The following SYNE3 variants were observed in gnomAD, a reference collection of about 807,000 sequenced individuals.
The protein encoded by SYNE3 is spectrin repeat containing nuclear envelope family member 3.
Under a neutral mutation model 111.2 loss-of-function variants are expected in SYNE3, and 100 were observed. The ratio of observed to expected loss-of-function variants is 0.90; its 90% CI spans 0.77 to 1.06. SYNE3 has a LOEUF of 1.06. Ranked by LOEUF, SYNE3 falls within the 50% of genes least tolerant of loss-of-function variation. The pLI is 0.00. For synonymous variants in SYNE3, 547 were observed against 533.9 expected, an observed-to-expected ratio of 1.02 and a Z score of -0.34; for missense variants, 1,160 against 1,240.3, an observed-to-expected ratio of 0.94 and a Z score of 0.97.
At chr14:95,471,371 T>G (rs1888518335) in intron 2 of SYNE3, among the ~76,000 whole-genome samples, 1 of 152,242 alleles carries the variant, frequency 6.6e-6, no homozygotes, top group African/African-American at 2.4e-5. Context: ...TTCGTCCTTC[T>G]TATCCTCATG....
At chr14:95,447,329 G>C (rs1393417626) in intron 8 of SYNE3, among the ~76,000 whole-genome samples, 1 of 151,974 alleles carries the variant, frequency 6.6e-6, no homozygotes, top group Non-Finnish European at 1.5e-5. Context: ...GTAGAGACGG[G>C]GTTTCACTGT....
intron 5 of SYNE3, 119 bp from the exon 6 acceptor site, chr14:95,455,843 G>C (rs1467094456): frequency 2.0e-6 from 2 of 1,022,632 alleles, no homozygotes; most frequent in Non-Finnish European, 2.8e-6. Flanking sequence ...TCCTGCGTTA[G>C]AGCCAGAGAG....
chr14:95,483,331 C>T (rs888782558), intron 1 of SYNE3, among the ~76,000 whole-genome samples: 10 of 152,204 alleles, frequency 6.6e-5, no homozygotes, highest in African/African-American at 2.2e-4. Flanking sequence ...CACAAGCTGA[C>T]CCAGAGTTCT....
intron 7 of SYNE3, 150 bp downstream of exon 7, chr14:95,452,097 T>A (rs547667516): frequency 2.1e-6 from 2 of 969,422 alleles, no homozygotes; most frequent in African/African-American, 3.2e-5. Context: ...CTGAGCCAAG[T>A]GAGAACCTCT....
intron 8 of SYNE3, chr14:95,449,598 G>A: frequency 1.0e-6 from 1 of 985,464 alleles, no homozygotes; most frequent in Non-Finnish European, 1.2e-6. Context: ...GGTCAGGTCA[G>A]GTTTCTTGCC....
chr14:95,483,314 C>T (rs554587975), intron 1 of SYNE3, among the ~76,000 whole-genome samples: 7 of 152,314 alleles, frequency 4.6e-5, no homozygotes, highest in Middle Eastern at 3.4e-3. Context: ...TGGCCGGGGC[C>T]GCCCACCACA....
intron 6 of SYNE3, among the ~76,000 whole-genome samples, chr14:95,452,724 T>A (rs1362258416): frequency 6.6e-6 from 1 of 152,166 alleles, no homozygotes; most frequent in African/African-American, 2.4e-5. Flanking sequence ...GGGTGTCCCA[T>A]TCGTTTAAGC....
intron 7 of SYNE3, chr14:95,451,649 C>T (rs1304348752): frequency 2.0e-5 from 3 of 152,216 alleles, no homozygotes; most frequent in Non-Finnish European, 4.4e-5. Flanking sequence ...GAAGGAGCTC[C>T]CTGTACCAGG....
At chr14:95,421,657 G>A (rs1885132630) in intron 17 of SYNE3, among the ~76,000 whole-genome samples, 1 of 152,224 alleles carries the variant, frequency 6.6e-6, no homozygotes, top group Admixed American at 6.5e-5. Flanking sequence ...TCCTCTGGCT[G>A]ATGGGTGTGG....
At chr14:95,483,766 G>T (rs750255574) in intron 1 of SYNE3, among the ~76,000 whole-genome samples, 3 of 152,198 alleles carry the variant, frequency 2.0e-5, no homozygotes, top group Non-Finnish European at 2.9e-5. Flanking sequence ...GCAGACAGAG[G>T]CTTGGCAGGT....
chr14:95,428,472 AAT>A (rs1367841483), intron 17 of SYNE3, among the ~76,000 whole-genome samples: 11 of 152,186 alleles, frequency 7.2e-5, no homozygotes, highest in Admixed American at 3.3e-4. Flanking sequence ...AAATAAATAA[AAT>A]GCTACTGTCA....
rs1595236094 is a variant in SYNE3 at position 95,474,329 on chromosome 14, G to A, written c.144+1349C>T. 2.6e-5 allele frequency among the ~76,000 whole-genome samples: 4 copies of A among 152,212 alleles called. 1 individual carries two copies. In the South Asian group the frequency reaches 8.3e-4, roughly 32 times the overall value. On this transcript the variant is annotated intron_variant, in intron 2 of 17. Transcript: ENST00000682763. Reference sequence around the variant, plus strand: ...ACATCATGGGACCCACGTTAGGGGTGTGCCTCATACATGCTTGTGCAGTTG... The same window carrying A: ...ACATCATGGGACCCACGTTAGGGGTATGCCTCATACATGCTTGTGCAGTTG...
In SYNE3 at chr14:95,439,707, C is replaced by A; in HGVS notation, c.2151G>T (p.Lys717Asn). ...VEAQGWLVME[K>N]SSPEGAAVVQ... ...CCACGGCAGCACCCTCCGGAGAAGACTTCTCCATCACCAGCCAGCCCTGCG... is the reference window on the plus strand; with the variant it reads ...CCACGGCAGCACCCTCCGGAGAAGAATTCTCCATCACCAGCCAGCCCTGCG... The change falls in exon 13 of 18, where the codon AAG (lysine) becomes AAT (asparagine). Residue 717 changes from lysine to asparagine, a missense_variant. By Grantham distance (94) the Lys-to-Asn change is moderately conservative. Transcript: ENST00000682763. 6.2e-7 allele frequency: 1 copy of A among 1,614,200 alleles called. No homozygotes were observed.
intron 2 of SYNE3, among the ~76,000 whole-genome samples, chr14:95,469,022 TAGGGAGAGCCATG>T (rs1253600505): frequency 6.6e-6 from 1 of 152,172 alleles, no homozygotes; most frequent in African/African-American, 2.4e-5. Flanking sequence ...TTAGGTAATG[TAGGGAGAGCCATG>T]AGCACGCTGC....
chr14:95,428,242 G>A (rs550227408), intron 17 of SYNE3, among the ~76,000 whole-genome samples: 9 of 152,182 alleles, frequency 5.9e-5, no homozygotes, highest in South Asian at 4.2e-4. Context: ...AGCTCCCCAA[G>A]GTTGGCGGTC....
At chr14:95,461,243 G>GC (rs1388768554) in intron 4 of SYNE3, among the ~76,000 whole-genome samples, 1 of 152,248 alleles carries the variant, frequency 6.6e-6, no homozygotes, top group Non-Finnish European at 1.5e-5. Flanking sequence ...ATCACAAGCA[G>GC]CTCTGATTCA....
chr14:95,468,973 G>A (rs1888358467), intron 2 of SYNE3, among the ~76,000 whole-genome samples: 1 of 152,174 alleles, frequency 6.6e-6, no homozygotes, highest in Non-Finnish European at 1.5e-5. Flanking sequence ...TGTCACAGGA[G>A]TTACATTCTC....
At position 95,408,670 on chromosome 14, in the gene SYNE3, C is replaced by G. The variant is rs570336243; in HGVS notation, c.*9156G>C. The stretch of plus-strand genomic sequence containing the variant: ...CATGGAGATGTGTGTAGTACTCACA[C>G]ATGCTATGCTCACATACGCGTGCAT... On this transcript the variant is annotated 3_prime_UTR_variant, in exon 18 of 18. Coordinates refer to ENST00000682763, the MANE Select transcript of SYNE3 (RefSeq NM_152592.6). 4.8e-6 allele frequency: 1 copy of G among 209,512 alleles called. No homozygotes were observed. Among genetic ancestry groups the G allele is most frequent in the African/African-American group, 2.3e-5 (1 of 43,878 alleles). The allele number at this position is 209,512 out of a possible 1,614,324, so 13.0% of individuals were successfully genotyped here.
chr14:95,458,179 A>G (rs1887583237), intron 4 of SYNE3, among the ~76,000 whole-genome samples: 1 of 152,104 alleles, frequency 6.6e-6, no homozygotes, highest in Non-Finnish European at 1.5e-5. Context: ...CTGTCTCCCC[A>G]TATCCCGTCA....
Sources: allele counts gnomAD v4.1 joint callset (sites outside exome capture counted in the v4.1 genomes callset), GRCh38; gene constraint gnomAD v4.1.1; transcripts MANE v1.5; gene names NCBI Gene and HGNC (gene_info 2026-07-23, HGNC 2026-07-21).